The following EEPD1 variants were observed in gnomAD, a reference collection of about 807,000 sequenced individuals.
The protein encoded by EEPD1 is endonuclease/exonuclease/phosphatase family domain containing 1.
Under a neutral mutation model 46.3 loss-of-function variants are expected in EEPD1, and 17 were observed. That is an observed-to-expected ratio of 0.37 (90% CI 0.25 to 0.55). EEPD1 has a LOEUF of 0.55. EEPD1 is among the 20% of genes least tolerant of loss of function. The pLI is 0.83. For synonymous variants in EEPD1, 313 were observed against 315.6 expected (o/e 0.99, Z 0.09); for missense variants, 673 against 745.6 (o/e 0.90, Z 1.13).
chr7:36,185,796 G>A lies in EEPD1; in HGVS notation c.878+30594G>A, dbSNP rs191973966. Among the ~76,000 whole-genome samples, 519 of 152,306 alleles carry A rather than the reference G, an allele frequency of 3.4e-3. 2 individuals are homozygous for A. The highest frequency in any genetic ancestry group is 0.012 in the African/African-American group (488 of 41,562). On this transcript the variant is annotated intron_variant, in intron 2 of 7. Transcript: ENST00000242108. ...TTTTGTGCCCTTTGTGTTGGTGACA[G>A]TGTGTTCATTTGGCGTGTCGGTAAG... is the stretch of plus-strand genomic sequence containing the variant.
At chr7:36,276,824 C>A (rs1644891807) in intron 3 of EEPD1, among the ~76,000 whole-genome samples, 2 of 152,146 alleles carry the variant, frequency 1.3e-5, no homozygotes, top group Non-Finnish European at 1.5e-5. Context: ...AAACAAGAAC[C>A]AGATGGGGAT....
intron 3 of EEPD1, among the ~76,000 whole-genome samples, chr7:36,257,530 C>A (rs1786845815): frequency 6.6e-6 from 1 of 152,062 alleles, no homozygotes; most frequent in Admixed American, 6.5e-5. Context: ...CCTTTTCATT[C>A]TTTTTTCTCT....
chr7:36,174,082 G>A (rs540194650), intron 2 of EEPD1, among the ~76,000 whole-genome samples: 1 of 152,322 alleles, frequency 6.6e-6, no homozygotes, highest in South Asian at 2.1e-4. Context: ...GCTGGTGGCA[G>A]TAAGTGGTGG....
chr7:36,174,058 G>A (rs567757753), intron 2 of EEPD1, among the ~76,000 whole-genome samples: 2 of 152,290 alleles, frequency 1.3e-5, no homozygotes, highest in East Asian at 3.9e-4. Flanking sequence ...CCTTGGGATG[G>A]CAGAGACTGT....
chr7:36,247,455 G>A (rs1300393078), intron 3 of EEPD1, among the ~76,000 whole-genome samples: 1 of 152,208 alleles, frequency 6.6e-6, no homozygotes, highest in Non-Finnish European at 1.5e-5. Context: ...TGCTTGCTCA[G>A]TGCCAAAATT....
At chr7:36,251,796 G>T (rs1786742844) in intron 3 of EEPD1, among the ~76,000 whole-genome samples, 1 of 151,918 alleles carries the variant, frequency 6.6e-6, no homozygotes, top group Non-Finnish European at 1.5e-5. Flanking sequence ...TTGCTTTCTA[G>T]TATTAAAAAG....
intron 5 of EEPD1, among the ~76,000 whole-genome samples, chr7:36,285,753 C>G (rs1206100295): frequency 6.6e-6 from 1 of 152,196 alleles, no homozygotes; most frequent in Non-Finnish European, 1.5e-5. Context: ...ACCTGACAGT[C>G]ACCTCAAACC....
At chr7:36,183,875 G>GTTTTTTTTTTTTTTTTTT (rs35033256) in intron 2 of EEPD1, among the ~76,000 whole-genome samples, 10 of 51,934 alleles carry the variant, frequency 1.9e-4, no homozygotes, top group African/African-American at 3.6e-4. Flanking sequence ...CCTAGCCCTC[G>GTTTTTTTTTTTTTTTTTT]TTTTTTTTTT....
At chr7:36,239,132 C>A in intron 3 of EEPD1, 96 bp downstream of exon 3, 1 of 1,199,140 alleles carries the variant, frequency 8.3e-7, no homozygotes, top group Non-Finnish European at 1.2e-6. Context: ...ACAGCCCCTA[C>A]TGAAAAGACG....
At chr7:36,194,134 G>C (rs35629273) in intron 2 of EEPD1, among the ~76,000 whole-genome samples, 16,630 of 152,228 alleles carry the variant, frequency 0.11, 1,208 homozygotes, top group Non-Finnish European at 0.17. Flanking sequence ...GTTCCATGTG[G>C]TGAAGAGGAT....
intron 3 of EEPD1, among the ~76,000 whole-genome samples, chr7:36,270,914 C>G (rs185021142): frequency 2.6e-4 from 39 of 152,294 alleles, no homozygotes; most frequent in African/African-American, 8.7e-4. Context: ...AATTTACACT[C>G]CCACCAAGTG....
chr7:36,154,627 C>G lies in EEPD1; in HGVS notation c.303C>G (p.Ser101Arg). ...LEQVKFEICV[S>R]SKGSSAQHSP... Reference sequence around the variant, plus strand: ...AGGTCAAGTTTGAGATCTGTGTGAGCAGCAAGGGCAGCTCAGCGCAGCACT... The same window carrying G: ...AGGTCAAGTTTGAGATCTGTGTGAGGAGCAAGGGCAGCTCAGCGCAGCACT... Residue 101 changes from serine to arginine, a missense_variant, in exon 2 of 8, where the codon AGC (serine) becomes AGG (arginine). Physicochemically the swap from Ser to Arg is moderately radical, Grantham distance 110. Coordinates refer to ENST00000242108, the MANE Select transcript of EEPD1 (RefSeq NM_030636.3). The surrounding 1 kb of genome is among the most constrained non-coding windows in gnomAD (Gnocchi z 4.2). 6.2e-7 allele frequency: 1 copy of G among 1,613,980 alleles called. No individual in the cohort carries two copies. Among genetic ancestry groups the G allele is most frequent in the Non-Finnish European group, 8.5e-7 (1 of 1,180,008 alleles).
intron 2 of EEPD1, among the ~76,000 whole-genome samples, chr7:36,187,844 T>G (rs1035764153): frequency 1.3e-5 from 2 of 152,212 alleles, no homozygotes; most frequent in African/African-American, 4.8e-5. Flanking sequence ...TCACCCAGGC[T>G]GGAGTGCAGT....
intron 2 of EEPD1, among the ~76,000 whole-genome samples, chr7:36,232,290 C>T (rs1368271025): frequency 1.3e-5 from 2 of 151,716 alleles, no homozygotes; most frequent in African/African-American, 2.4e-5. Context: ...CTGCAACCTC[C>T]GCCTCCCAGG....
At chr7:36,284,573 G>A (rs1648794859) in intron 4 of EEPD1, 113 bp from the exon 5 acceptor site, 2 of 1,356,542 alleles carry the variant, frequency 1.5e-6, no homozygotes, top group Admixed American at 2.5e-5. Context: ...TTTAGAAACA[G>A]CTTGAGCCAG....
chr7:36,267,244 C>T (rs967134558), intron 3 of EEPD1, among the ~76,000 whole-genome samples: 2 of 152,204 alleles, frequency 1.3e-5, no homozygotes, highest in African/African-American at 2.4e-5. Flanking sequence ...TTTCAAAATT[C>T]AGATCCCCTC....
chr7:36,248,290 C>T (rs1415308016), intron 3 of EEPD1, among the ~76,000 whole-genome samples: 2 of 151,710 alleles, frequency 1.3e-5, no homozygotes, highest in African/African-American at 2.4e-5. Flanking sequence ...TTGCAACCTC[C>T]ACCTCCTGAG....
chr7:36,192,915 C>G (rs1785484586), intron 2 of EEPD1, among the ~76,000 whole-genome samples: 1 of 152,208 alleles, frequency 6.6e-6, no homozygotes, highest in African/African-American at 2.4e-5. Flanking sequence ...GTGGCCAGAT[C>G]TCCGGACCAG....
intron 6 of EEPD1, among the ~76,000 whole-genome samples, 200 bp from the exon 7 acceptor site, chr7:36,296,793 T>C (rs1446136119): frequency 3.3e-5 from 5 of 151,224 alleles, no homozygotes; most frequent in African/African-American, 1.2e-4. Context: ...CCAAACGTGT[T>C]GCTGACTTAC....
Sources: allele counts gnomAD v4.1 joint callset (sites outside exome capture counted in the v4.1 genomes callset), GRCh38; gene constraint gnomAD v4.1.1; non-coding constraint Gnocchi (gnomAD v3.1); transcripts MANE v1.5; gene names NCBI Gene and HGNC (gene_info 2026-07-23, HGNC 2026-07-21).